CASP10: variants seen among roughly 807,000 people sequenced by gnomAD.
CASP10 encodes caspase-10.
In CASP10, 41 loss-of-function variants were observed where a neutral mutation model predicts 48.5. That is an observed-to-expected ratio of 0.85 (90% CI 0.66 to 1.10). The LOEUF is 1.10. Ranked by LOEUF, CASP10 falls within the 50% of genes least tolerant of loss-of-function variation. The pLI is 0.00. For missense variants in CASP10, 614 were observed against 614.5 expected (o/e 1.00, Z 0.01); for synonymous variants, 232 against 238.4 (o/e 0.97, Z 0.25).
chr2:201,202,571 G>A (rs1227636012), intron 5 of CASP10, among the ~76,000 whole-genome samples: 2 of 152,206 alleles, frequency 1.3e-5, no homozygotes, highest in Non-Finnish European at 2.9e-5. Flanking sequence ...AAACCAGAAG[G>A]CAGTCTGGCC....
intron 6 of CASP10, among the ~76,000 whole-genome samples, chr2:201,205,327 T>TGATC (rs1276255383): frequency 2.0e-5 from 3 of 151,008 alleles, no homozygotes; most frequent in African/African-American, 7.3e-5. Context: ...CGGACTCAGG[T>TGATC]GATCCTCCCA....
In CASP10 at chr2:201,194,137, A is replaced by G. The variant is rs41365246; in HGVS notation, c.577+1018A>G. On this transcript the variant is annotated intron_variant, in intron 4 of 9. Coordinates refer to ENST00000286186, the MANE Select transcript of CASP10 (RefSeq NM_032977.4). ...TGTGTGTGTGTTTTAAGTCTGTCTG[A>G]TAAAGGTAGTTCTGCTGTGATATTT... 4.9e-3 allele frequency among the ~76,000 whole-genome samples: 751 copies of G among 151,782 alleles called. 7 individuals carry two copies. Among genetic ancestry groups the G allele is most frequent in the African/African-American group, 0.017 (705 of 41,352 alleles).
chr2:201,207,937 A>G lies in CASP10; in HGVS notation c.814-138A>G, dbSNP rs572986581. On this transcript the variant is annotated intron_variant, in intron 7 of 9. Transcript: ENST00000286186. The stretch of plus-strand genomic sequence containing the variant: ...GCAACAACAAAATAACAACAACAAC[A>G]AAAACATGGTTTAAACAACTGGCAT... The G allele has an allele frequency of 6.0e-5, 42 of 700,980 alleles. No homozygotes were observed. In the South Asian group the frequency reaches 6.4e-4, roughly 11 times the overall value. The allele number at this position is 700,980 out of a possible 1,614,324, so 43.4% of individuals were successfully genotyped here.
At chr2:201,190,058 TAA>T (rs2126012176) in intron 3 of CASP10, among the ~76,000 whole-genome samples, 2 of 152,302 alleles carry the variant, frequency 1.3e-5, no homozygotes, top group South Asian at 4.1e-4. Context: ...GTTTGGTTCC[TAA>T]GTCATTTTGA....
At chr2:201,202,079 T>C (rs1296536141) in intron 5 of CASP10, among the ~76,000 whole-genome samples, 1 of 152,038 alleles carries the variant, frequency 6.6e-6, no homozygotes, top group Non-Finnish European at 1.5e-5. Flanking sequence ...CTCGAACTCC[T>C]GACCTCAGGT....
chr2:201,199,569 CTTTTTTTTT>C (rs761866954), intron 5 of CASP10, among the ~76,000 whole-genome samples: 2 of 122,546 alleles, frequency 1.6e-5, no homozygotes, highest in Admixed American at 8.7e-5. Context: ...CTCCTTTAAT[CTTTTTTTTT>C]TTTTTTTTTT....
intron 9 of CASP10, chr2:201,212,945 A>G (rs1945447207): frequency 6.6e-6 from 1 of 152,224 alleles, no homozygotes; most frequent in African/African-American, 2.4e-5. Context: ...TGTGGGAATG[A>G]GGCTAATGGT....
intron 5 of CASP10, among the ~76,000 whole-genome samples, chr2:201,198,241 T>C (rs1358088181): frequency 6.6e-6 from 1 of 150,646 alleles, no homozygotes; most frequent in Non-Finnish European, 1.5e-5. Context: ...TTTTTTTTTT[T>C]GAGACGGAGT....
downstream of CASP10, among the ~76,000 whole-genome samples, chr2:201,222,985 A>G (rs1559318130): frequency 6.6e-6 from 1 of 152,066 alleles, no homozygotes; most frequent in Non-Finnish European, 1.5e-5. Context: ...TTGGGCCCTT[A>G]GGTGTTTGTA....
At chr2:201,186,489 G>A (rs1475477592) in intron 2 of CASP10, 2 of 290,982 alleles carry the variant, frequency 6.9e-6, no homozygotes, top group African/African-American at 4.3e-5. Flanking sequence ...CCGGGGTCTT[G>A]AGAAGAGAGT....
chr2:201,217,245 G>C (rs1945598646), intron 9 of CASP10, among the ~76,000 whole-genome samples: 1 of 152,130 alleles, frequency 6.6e-6, no homozygotes, highest in African/African-American at 2.4e-5. Context: ...GACCTGGTGT[G>C]TGGTTTCTAC....
chr2:201,212,516 G>A (rs552751060), intron 9 of CASP10: 2 of 152,162 alleles, frequency 1.3e-5, no homozygotes, highest in Non-Finnish European at 2.9e-5. Context: ...TGTATTGGAT[G>A]ATGAGAGGAA....
In CASP10 at chr2:201,220,977, A is replaced by G. The variant is rs1245893236; in HGVS notation, c.*3236A>G. ...TAGCTTTTTTCAGCCTTGTCTGTAA[A>G]GTAGAGAAAACATTAGCTGTTGGGA... is the stretch of plus-strand genomic sequence containing the variant. On this transcript the variant is annotated 3_prime_UTR_variant, in exon 10 of 10. Coordinates refer to ENST00000286186, the MANE Select transcript of CASP10 (RefSeq NM_032977.4). 29 of 985,358 alleles carry G rather than the reference A, an allele frequency of 2.9e-5. No homozygotes were observed. Among genetic ancestry groups the G allele is most frequent in the Non-Finnish European group, 3.4e-5 (28 of 829,954 alleles). The allele number at this position is 985,358 out of a possible 1,614,324, so 61.0% of individuals were successfully genotyped here.
At chr2:201,228,901 G>C in intron 9 of CASP10, 2 of 1,611,022 alleles carry the variant, frequency 1.2e-6, no homozygotes, top group Non-Finnish European at 1.7e-6. Flanking sequence ...CTCAGTCAAA[G>C]TTCCCCTTTT....
downstream of CASP10, among the ~76,000 whole-genome samples, chr2:201,226,378 A>G (rs1056950209): frequency 2.0e-5 from 3 of 152,254 alleles, no homozygotes; most frequent in Non-Finnish European, 4.4e-5. Flanking sequence ...AAATTGACAC[A>G]ATCATTTTAG....
chr2:201,228,664 TTGAGTTATCATCTTGAAAC>T, intron 9 of CASP10, among the ~76,000 whole-genome samples: 1 of 152,236 alleles, frequency 6.6e-6, no homozygotes, highest in Non-Finnish European at 1.5e-5. Context: ...GCCTCTCCAC[TTGAGTTATCATCTTGAAAC>T]ATCAAGGACA....
At chr2:201,205,828 A>G in intron 6 of CASP10, 54 bp from the exon 7 acceptor site, 2 of 1,070,146 alleles carry the variant, frequency 1.9e-6, no homozygotes, top group Non-Finnish European at 2.9e-6. Flanking sequence ...TTATCAGTGA[A>G]GAAATCTAAG....
Position 201,219,268 on chromosome 2 carries a change from TA to T in CASP10, c.*1537del, listed in dbSNP as rs1168150789. 1.7e-3 allele frequency: 451 copies of T among 257,768 alleles called. No homozygotes were observed. Among genetic ancestry groups the T allele is most frequent in the Non-Finnish European group, 2.4e-3 (398 of 165,626 alleles). The allele number at this position is 257,768 out of a possible 1,614,324, so 16.0% of individuals were successfully genotyped here. ...TTGGGCAACAGGGCGAGACCTTGTT[TA>T]AAAAAAAAATTCAATATTGGGGTTG... is the stretch of plus-strand genomic sequence containing the variant. On this transcript the variant is annotated 3_prime_UTR_variant, in exon 10 of 10. Coordinates refer to ENST00000286186, the MANE Select transcript of CASP10 (RefSeq NM_032977.4).
chr2:201,217,493 A>G lies in CASP10; in HGVS notation c.1416-95A>G. 3 of 770,626 alleles carry G rather than the reference A, an allele frequency of 3.9e-6. No homozygotes were observed. In the South Asian group the frequency reaches 4.2e-5, roughly 11 times the overall value. The allele number at this position is 770,626 out of a possible 1,614,324, so 47.7% of individuals were successfully genotyped here. On this transcript the variant is annotated intron_variant, in intron 9 of 9. Transcript: ENST00000286186. Reference sequence around the variant, plus strand: ...AGAATCACTTGAATCCAGGAGGTGGAGGCTGCAGTGAGCTGAGATCACACC... The same window carrying G: ...AGAATCACTTGAATCCAGGAGGTGGGGGCTGCAGTGAGCTGAGATCACACC...
Sources: allele counts gnomAD v4.1 joint callset (sites outside exome capture counted in the v4.1 genomes callset), GRCh38; gene constraint gnomAD v4.1.1; transcripts MANE v1.5; gene names NCBI Gene and HGNC (gene_info 2026-07-23, HGNC 2026-07-21).